The following WDR25 variants were observed in gnomAD, a reference collection of about 807,000 sequenced individuals.
The protein encoded by WDR25 is WD repeat-containing protein 25.
Under a neutral mutation model 47.7 loss-of-function variants are expected in WDR25, and 35 were observed. The ratio of observed to expected loss-of-function variants is 0.73; its 90% CI spans 0.56 to 0.97. The LOEUF (loss-of-function observed/expected upper bound fraction) is 0.97, where lower values mean the gene tolerates loss of function less well. WDR25 is among the 50% of genes least tolerant of loss of function. The pLI is 0.00. For synonymous variants in WDR25, 248 were observed against 278.9 expected (o/e 0.89, Z 1.10); for missense variants, 634 against 704.7 (o/e 0.90, Z 1.14).
At chr14:100,461,403 A>C (rs559479800) in intron 2 of WDR25, among the ~76,000 whole-genome samples, 44 of 152,354 alleles carry the variant, frequency 2.9e-4, no homozygotes, top group African/African-American at 9.6e-4. Context: ...CAAACTATGA[A>C]ATAATTAGAG....
Position 100,529,244 on chromosome 14 carries a change from C to T in WDR25, c.1413+36C>T. On this transcript the variant is annotated intron_variant, in intron 6 of 6. Coordinates refer to ENST00000402312, the MANE Select transcript of WDR25 (RefSeq NM_001161476.3). This position sits in a 1 kb window ranked among gnomAD's most constrained non-coding sequence, Gnocchi z 5.1. Reference sequence around the variant, plus strand: ...CCTTGTCCCCCAGGCGAATGCTGAGCCCCAGCCCCAAGCCTCCTGGCAGTC... The same window carrying T: ...CCTTGTCCCCCAGGCGAATGCTGAGTCCCAGCCCCAAGCCTCCTGGCAGTC... 6.2e-7 allele frequency: 1 copy of T among 1,611,256 alleles called. No homozygotes were observed. Among genetic ancestry groups the T allele is most frequent in the East Asian group, 2.2e-5 (1 of 44,840 alleles).
rs980614235 is a variant in WDR25 at position 100,404,293 on chromosome 14, A to G, written c.822+22547A>G. Among the ~76,000 whole-genome samples, 2 of 152,214 alleles carry G rather than the reference A, an allele frequency of 1.3e-5. No homozygotes were observed. Among genetic ancestry groups the G allele is most frequent in the African/African-American group, 2.4e-5 (1 of 41,468 alleles). ...ATGGAGTCCAGGGCTGTTTGCTCCCAAAGTCTATGTTCGTTCCACTCTCCC... is the reference window on the plus strand; with the variant it reads ...ATGGAGTCCAGGGCTGTTTGCTCCCGAAGTCTATGTTCGTTCCACTCTCCC... On this transcript the variant is annotated intron_variant, in intron 2 of 6. Coordinates refer to ENST00000402312, the MANE Select transcript of WDR25 (RefSeq NM_001161476.3). The surrounding 1 kb of genome is among the most constrained non-coding windows in gnomAD (Gnocchi z 4.6).
chr14:100,454,090 G>A (rs1053508082), intron 2 of WDR25, among the ~76,000 whole-genome samples: 1 of 152,204 alleles, frequency 6.6e-6, no homozygotes, highest in Non-Finnish European at 1.5e-5. Flanking sequence ...TGCTGCAAAT[G>A]TGAGCCCTTT....
chr14:100,454,259 A>C (rs531023512), intron 2 of WDR25, among the ~76,000 whole-genome samples: 61 of 152,296 alleles, frequency 4.0e-4, no homozygotes, highest in African/African-American at 1.4e-3. Context: ...TCACCCACAG[A>C]ATAAATACTC....
rs1000549295 is a variant in WDR25, at chr14:100,428,409, T to C, written c.823-39612T>C. Among the ~76,000 whole-genome samples the C allele has an allele frequency of 5.3e-5, 8 of 152,148 alleles. No individual in the cohort carries two copies. Among genetic ancestry groups the C allele is most frequent in the African/African-American group, 9.7e-5 (4 of 41,426 alleles). On this transcript the variant is annotated intron_variant, in intron 2 of 6. Transcript: ENST00000402312. This position sits in a 1 kb window ranked among gnomAD's most constrained non-coding sequence, Gnocchi z 4.3. ...AGGCGGCCTGGCTACGGGTCTTGGG[T>C]CTGCCACTCACCAGCCTGGTGTGGG...
intron 2 of WDR25, among the ~76,000 whole-genome samples, chr14:100,443,318 T>C (rs991287875): frequency 2.0e-5 from 3 of 152,200 alleles, no homozygotes; most frequent in African/African-American, 7.2e-5. Flanking sequence ...CTCTTTCCCC[T>C]GAACTGAGAT....
intron 3 of WDR25, among the ~76,000 whole-genome samples, chr14:100,471,179 GC>G (rs1899819760): frequency 6.6e-6 from 1 of 152,096 alleles, no homozygotes; most frequent in Non-Finnish European, 1.5e-5. Context: ...CCTCTCCCTG[GC>G]TGGCTTGGGA....
Position 100,393,725 on chromosome 14 carries a change from G to C in WDR25, c.822+11979G>C, listed in dbSNP as rs551389829. Among the ~76,000 whole-genome samples, 15 of 152,254 alleles carry C rather than the reference G, an allele frequency of 9.9e-5. No homozygotes were observed. In the South Asian group the frequency reaches 3.1e-3, roughly 32 times the overall value. ...GTTTTGCCTGGAGGGGTGTAGTGCA[G>C]GTTGGAGCCCATGTTGCTGGAGGGC... On this transcript the variant is annotated intron_variant, in intron 2 of 6. Coordinates refer to ENST00000402312, the MANE Select transcript of WDR25 (RefSeq NM_001161476.3).
Position 100,488,624 on chromosome 14 carries a change from T to C in WDR25, c.1101+4500T>C, listed in dbSNP as rs1019738977. On this transcript the variant is annotated intron_variant, in intron 4 of 6. Coordinates refer to ENST00000402312, the MANE Select transcript of WDR25 (RefSeq NM_001161476.3). The surrounding 1 kb of genome is among the most constrained non-coding windows in gnomAD (Gnocchi z 4.2). ...CCTGGGCTCTTGTTAGGATGCAGAT[T>C]CTGTTTCAGCAGGTCCAGGTTGGGA... Among the ~76,000 whole-genome samples, 1 of 152,172 alleles carries C rather than the reference T, an allele frequency of 6.6e-6. No individual in the cohort carries two copies. Among genetic ancestry groups the C allele is most frequent in the East Asian group, 1.9e-4 (1 of 5,174 alleles).
intron 3 of WDR25, among the ~76,000 whole-genome samples, chr14:100,469,738 T>C (rs1899765582): frequency 6.6e-6 from 1 of 152,202 alleles, no homozygotes; most frequent in African/African-American, 2.4e-5. Context: ...TTCCACAGCC[T>C]CTATACAGCA....
rs1193951245 is a variant in WDR25, at chr14:100,424,422, T to C, written c.822+42676T>C. Among the ~76,000 whole-genome samples the C allele has an allele frequency of 6.6e-6, 1 of 152,204 alleles. No homozygotes were observed. The highest frequency in any genetic ancestry group is 2.4e-5 in the African/African-American group (1 of 41,442). On this transcript the variant is annotated intron_variant, in intron 2 of 6. Coordinates refer to ENST00000402312, the MANE Select transcript of WDR25 (RefSeq NM_001161476.3). The surrounding 1 kb of genome is among the most constrained non-coding windows in gnomAD (Gnocchi z 4.2). ...TCAGACCTTGTTTGCATGTTAAGAGTTAGCAGGACAATCCTTTGCTACTGG... is the reference window on the plus strand; with the variant it reads ...TCAGACCTTGTTTGCATGTTAAGAGCTAGCAGGACAATCCTTTGCTACTGG...
At chr14:100,436,097 T>C (rs1898492340) in intron 2 of WDR25, among the ~76,000 whole-genome samples, 1 of 152,246 alleles carries the variant, frequency 6.6e-6, no homozygotes, top group African/African-American at 2.4e-5. Flanking sequence ...AGGTGTCAAA[T>C]TCTCAGCTCT....
chr14:100,481,777 G>A (rs1203691597), intron 3 of WDR25, among the ~76,000 whole-genome samples: 1 of 152,068 alleles, frequency 6.6e-6, no homozygotes, highest in Non-Finnish European at 1.5e-5. Flanking sequence ...TGGTAGTCCT[G>A]TTTTCCTAAT....
At chr14:100,429,412 AAGGTGGCTC>A (rs1330509475) in intron 2 of WDR25, among the ~76,000 whole-genome samples, 3 of 152,192 alleles carry the variant, frequency 2.0e-5, no homozygotes. Flanking sequence ...CCAAGGGGCT[AAGGTGGCTC>A]AGGATATGTC....
chr14:100,442,195 T>G (rs1898690832), intron 2 of WDR25, among the ~76,000 whole-genome samples: 1 of 152,216 alleles, frequency 6.6e-6, no homozygotes, highest in African/African-American at 2.4e-5. Context: ...CTGGATGGAC[T>G]GATGAATTGA....
intron 4 of WDR25, among the ~76,000 whole-genome samples, chr14:100,491,777 G>A (rs1424833907): frequency 6.6e-6 from 1 of 152,208 alleles, no homozygotes. Flanking sequence ...GTGCAGCTCC[G>A]TGCCTGGTGT....
rs185733787 is a variant in WDR25 at position 100,468,649 on chromosome 14, C to T, written c.970+481C>T. Among the ~76,000 whole-genome samples the T allele has an allele frequency of 2.1e-3, 313 of 152,214 alleles. No individual in the cohort carries two copies. The highest frequency in any genetic ancestry group is 3.0e-3 in the Non-Finnish European group (206 of 68,004). ...GCACTTGGGTAGGATGGATTCGTGC[C>T]GGGTAAATCCTGAGAGGGCTCTTGA... On this transcript the variant is annotated intron_variant, in intron 3 of 6. Transcript: ENST00000402312. This position sits in a 1 kb window ranked among gnomAD's most constrained non-coding sequence, Gnocchi z 4.5.
intron 2 of WDR25, among the ~76,000 whole-genome samples, chr14:100,441,070 T>C (rs1898654379): frequency 6.6e-6 from 1 of 152,142 alleles, no homozygotes; most frequent in East Asian, 1.9e-4. Flanking sequence ...AACTAAGACA[T>C]ACAGAGCCCT....
At chr14:100,419,176 C>T (rs1897958686) in intron 2 of WDR25, among the ~76,000 whole-genome samples, 1 of 148,990 alleles carries the variant, frequency 6.7e-6, no homozygotes, top group Non-Finnish European at 1.5e-5. Flanking sequence ...GAGCCGAGAT[C>T]ACGCCACTGC....
Sources: gnomAD v4.1 joint callset for allele counts (sites outside exome capture counted in the v4.1 genomes callset) on GRCh38, gnomAD v4.1.1 for gene constraint, Gnocchi (gnomAD v3.1) non-coding constraint, MANE v1.5 for transcripts, NCBI Gene and HGNC (gene_info 2026-07-23, HGNC 2026-07-21) for gene names.